Variants in HECW1 observed in about 807,000 individuals in gnomAD.
HECW1 encodes HECT, C2 and WW domain containing E3 ubiquitin protein ligase 1.
Under a neutral mutation model 182.3 loss-of-function variants are expected in HECW1, and 61 were observed. The ratio of observed to expected loss-of-function variants is 0.33; its 90% CI spans 0.27 to 0.41. The LOEUF (loss-of-function observed/expected upper bound fraction) is 0.41, where lower values mean the gene tolerates loss of function less well. HECW1 is among the 10% of genes least tolerant of loss of function. The pLI, the probability that HECW1 is intolerant of heterozygous loss-of-function variation, is 1.00. For synonymous variants in HECW1, 859 were observed against 832.6 expected, an observed-to-expected ratio of 1.03 and a Z score of -0.55; for missense variants, 1,739 against 2,108.9, an observed-to-expected ratio of 0.82 and a Z score of 3.44.
In HECW1 at chr7:43,341,182, G is replaced by A. The variant is rs539829810; in HGVS notation, c.461-19704G>A. ...CATAGGGTTGGGGGGCAGGGGGAGG[G>A]ATAGCATTAGGTGAAATATCTAATG... On this transcript the variant is annotated intron_variant, in intron 5 of 29. Transcript: ENST00000395891. Among the ~76,000 whole-genome samples, 302 of 151,642 alleles carry A rather than the reference G, an allele frequency of 2.0e-3. 10 individuals are homozygous for A. The highest frequency in any genetic ancestry group is 7.2e-3 in the African/African-American group (296 of 41,016).
chr7:43,553,953 G>A (rs995821798), intron 28 of HECW1, among the ~76,000 whole-genome samples: 7 of 152,194 alleles, frequency 4.6e-5, no homozygotes, highest in African/African-American at 1.2e-4. Context: ...CTCTCTGAAT[G>A]CCTCTTGCAT....
In HECW1 at chr7:43,243,915, C is replaced by T. The variant is rs761379561; in HGVS notation, c.10C>T (p.His4Tyr). The T allele has an allele frequency of 2.5e-6, 4 of 1,612,974 alleles. No homozygotes were observed. The highest frequency in any genetic ancestry group is 2.5e-6 in the Non-Finnish European group (3 of 1,179,006). The change falls in exon 3 of 30, where the codon CAC becomes TAC. Residue 4 changes from histidine (H) to tyrosine (Y), a missense_variant. Transcript: ENST00000395891. The surrounding 1 kb of genome is among the most constrained non-coding windows in gnomAD (Gnocchi z 4.0). MLLHLCSVKNLYQN... is the reference protein window; with the variant it reads MLLYLCSVKNLYQN... ...CACGTGGTGGGTCATTATGCTGCTG[C>T]ACCTGTGTAGTGTGAAGGTCAGTGT...
chr7:43,525,594 G>A (rs1450048496), intron 24 of HECW1, among the ~76,000 whole-genome samples: 1 of 152,172 alleles, frequency 6.6e-6, no homozygotes. Flanking sequence ...TACTGCAAAT[G>A]GCATTAGCAG....
intron 2 of HECW1, among the ~76,000 whole-genome samples, chr7:43,217,994 T>C (rs1011886615): frequency 4.0e-5 from 6 of 151,886 alleles, no homozygotes; most frequent in African/African-American, 1.5e-4. Flanking sequence ...GCCTGTGGGG[T>C]CCACTAGAGG....
At position 43,300,569 on chromosome 7, in the gene HECW1, T is replaced by C. The variant is rs762135399; in HGVS notation, c.28-11194T>C. 1.1e-3 allele frequency among the ~76,000 whole-genome samples: 166 copies of C among 152,306 alleles called. 2 individuals are homozygous for C. The highest frequency in any genetic ancestry group is 4.1e-4 in the Non-Finnish European group (28 of 68,012). ...GGAGAGAGAGATGACTTTATATTGC[T>C]AACGGCCATGCCTGCTTCACTCTTC... On this transcript the variant is annotated intron_variant, in intron 3 of 29. Coordinates refer to ENST00000395891, the MANE Select transcript of HECW1 (RefSeq NM_015052.5).
intron 5 of HECW1, among the ~76,000 whole-genome samples, chr7:43,358,747 C>T (rs1584613254): frequency 6.6e-6 from 1 of 151,796 alleles, no homozygotes; most frequent in African/African-American, 2.4e-5. Context: ...AGTCACATTT[C>T]CTGATAGAAG....
intron 2 of HECW1, among the ~76,000 whole-genome samples, chr7:43,237,144 GGT>G (rs2152713999): frequency 1.0e-4 from 5 of 49,684 alleles, no homozygotes; most frequent in Non-Finnish European, 1.9e-4. Flanking sequence ...GAAGGAAGTA[GGT>G]AGGTAGGTAG....
intron 3 of HECW1, among the ~76,000 whole-genome samples, chr7:43,303,178 C>T (rs2152764528): frequency 6.6e-6 from 1 of 152,210 alleles, no homozygotes; most frequent in South Asian, 2.1e-4. Context: ...CAAACATAAA[C>T]CTCCCAAATA....
chr7:43,397,351 G>A (rs1196554942), intron 7 of HECW1, among the ~76,000 whole-genome samples: 1 of 152,162 alleles, frequency 6.6e-6, no homozygotes, highest in Admixed American at 6.5e-5. Flanking sequence ...TAATATTTTA[G>A]TTTAATATTT....
intron 7 of HECW1, among the ~76,000 whole-genome samples, chr7:43,407,301 A>G (rs1562941704): frequency 6.6e-6 from 1 of 151,488 alleles, no homozygotes; most frequent in East Asian, 1.9e-4. Flanking sequence ...TACAACCCCT[A>G]TTTTTTTAAT....
At chr7:43,283,037 G>A (rs1804124298) in intron 3 of HECW1, among the ~76,000 whole-genome samples, 1 of 152,002 alleles carries the variant, frequency 6.6e-6, no homozygotes, top group South Asian at 2.1e-4. Flanking sequence ...AGAATTGCTT[G>A]AACCTGGGAG....
At chr7:43,344,782 G>T (rs1813458400) in intron 5 of HECW1, among the ~76,000 whole-genome samples, 1 of 151,458 alleles carries the variant, frequency 6.6e-6, no homozygotes, top group African/African-American at 2.4e-5. Context: ...CCTCTGTGTT[G>T]TTTAATCTAC....
At position 43,429,712 on chromosome 7, in the gene HECW1, T is replaced by C. The variant is rs530026421; in HGVS notation, c.802-8291T>C. 2.4e-4 allele frequency among the ~76,000 whole-genome samples: 37 copies of C among 152,328 alleles called. No homozygotes were observed. The South Asian group carries it at 7.7e-3, about 32-fold the overall frequency. On this transcript the variant is annotated intron_variant, in intron 8 of 29. Transcript: ENST00000395891. ...CATGCTCCATTTGCTTCTTGCCTGC[T>C]CTTTCTCCTCCAGGTAGAACTTTTA...
At chr7:43,124,468 C>G (rs75100459) in intron 2 of HECW1, among the ~76,000 whole-genome samples, 3,318 of 152,306 alleles carry the variant, frequency 0.022, 111 homozygotes, top group African/African-American at 0.076. Flanking sequence ...GAACCTAAGC[C>G]ATGGTCCCAT....
chr7:43,479,348 A>G (rs2078334739), intron 16 of HECW1, among the ~76,000 whole-genome samples: 1 of 152,178 alleles, frequency 6.6e-6, no homozygotes, highest in East Asian at 1.9e-4. Flanking sequence ...ATGAGAATCT[A>G]ATGGCACCAC....
intron 24 of HECW1, among the ~76,000 whole-genome samples, chr7:43,525,823 A>G (rs974646351): frequency 2.6e-5 from 4 of 152,196 alleles, no homozygotes; most frequent in African/African-American, 9.6e-5. Context: ...CTGAGAGCAG[A>G]TCAGCCTTGG....
Position 43,360,968 on chromosome 7 carries a change from C to G in HECW1, c.543C>G (p.Asn181Lys), listed in dbSNP as rs764819634. Residue 181 changes from asparagine to lysine, a missense_variant, in exon 6 of 30, where the codon AAC becomes AAG. Transcript: ENST00000395891. ...RATTPSVTVK[N>K]SAAPIFKSIG... ...CCACCCCCAGTGTCACGGTCAAAAA[C>G]TCGGCAGCTCCTGTAAGTCTCATTT... The G allele has an allele frequency of 6.2e-7, 1 of 1,610,040 alleles. No homozygotes were observed. Among genetic ancestry groups the G allele is most frequent in the South Asian group, 1.1e-5 (1 of 90,368 alleles).
chr7:43,240,806 C>T (rs1415938018), intron 2 of HECW1, among the ~76,000 whole-genome samples: 3 of 152,168 alleles, frequency 2.0e-5, no homozygotes, highest in Non-Finnish European at 4.4e-5. Flanking sequence ...CAGGGTGCGG[C>T]AGCCAGGACC....
chr7:43,494,423 A>G (rs1029585443), intron 19 of HECW1, among the ~76,000 whole-genome samples: 1 of 152,106 alleles, frequency 6.6e-6, no homozygotes, highest in Non-Finnish European at 1.5e-5. Context: ...AGAGTTACCT[A>G]CGTAAAGCAT....
Sources: gnomAD v4.1 joint callset for allele counts (sites outside exome capture counted in the v4.1 genomes callset) on GRCh38, gnomAD v4.1.1 for gene constraint, Gnocchi (gnomAD v3.1) non-coding constraint, MANE v1.5 for transcripts, NCBI Gene and HGNC (gene_info 2026-07-23, HGNC 2026-07-21) for gene names.